Variants in CNBD1 observed in about 807,000 individuals in gnomAD.
CNBD1 encodes the protein cyclic nucleotide binding domain containing 1.
Under a neutral mutation model 54.4 loss-of-function variants are expected in CNBD1, and 71 were observed. The observed-to-expected ratio is 1.30, with a 90% CI of 1.08 to 1.59. CNBD1 has a LOEUF of 1.59. Ranked by LOEUF, CNBD1 falls within the 40% of genes most tolerant of loss-of-function variation. The probability of loss-of-function intolerance (pLI) is 0.00; values close to 1 mark genes in which losing one functional copy is unlikely to be tolerated. For synonymous variants in CNBD1, 182 were observed against 170.7 expected, an observed-to-expected ratio of 1.07 and a Z score of -0.51; for missense variants, 659 against 518.0, an observed-to-expected ratio of 1.27 and a Z score of -2.64.
intron 5 of CNBD1, among the ~76,000 whole-genome samples, chr8:87,230,437 C>T (rs753143568): frequency 6.6e-6 from 1 of 152,148 alleles, no homozygotes; most frequent in African/African-American, 2.4e-5. Context: ...ACATACACAT[C>T]ACTACTTAAA....
intron 4 of CNBD1, among the ~76,000 whole-genome samples, chr8:87,040,548 C>T (rs1259029237): frequency 1.3e-5 from 2 of 151,284 alleles, no homozygotes; most frequent in African/African-American, 4.8e-5. Flanking sequence ...CTCAGCCTCC[C>T]ATGTAGCTGG....
rs183531426 is a variant in CNBD1 at position 87,403,421 on chromosome 8, G to A, written c.214-25125G>A. Reference sequence around the variant, plus strand: ...AAGAGTTACCTCCACTTATTACTTAGTTAACCTTGTTTCAATTACCCTAGT... The same window carrying A: ...AAGAGTTACCTCCACTTATTACTTAATTAACCTTGTTTCAATTACCCTAGT... On this transcript the variant is annotated intron_variant, in intron 2 of 7. Coordinates refer to the CNBD1 transcript ENST00000521593. 3.3e-5 allele frequency among the ~76,000 whole-genome samples: 5 copies of A among 152,058 alleles called. No homozygotes were observed. The East Asian group carries it at 7.8e-4, about 24-fold the overall frequency.
At chr8:86,921,276 C>G (rs1052279521) in intron 3 of CNBD1, among the ~76,000 whole-genome samples, 6 of 151,816 alleles carry the variant, frequency 4.0e-5, no homozygotes, top group African/African-American at 1.5e-4. Context: ...TGAAATTATT[C>G]TTGTTATGAC....
intron 4 of CNBD1, among the ~76,000 whole-genome samples, chr8:86,957,497 C>T (rs1452188464): frequency 2.0e-5 from 3 of 152,152 alleles, no homozygotes; most frequent in African/African-American, 4.8e-5. Context: ...ATTATTGCCT[C>T]AATTTCAGAT....
chr8:86,867,315 AAGGTAAT>A (rs1808379468), intron 1 of CNBD1, among the ~76,000 whole-genome samples: 2 of 152,196 alleles, frequency 1.3e-5, no homozygotes, highest in Admixed American at 1.3e-4. Context: ...CTGGATAACA[AAGGTAAT>A]ACTTGTGATC....
At chr8:87,248,396 T>A (rs1807849034) in intron 6 of CNBD1, among the ~76,000 whole-genome samples, 1 of 152,220 alleles carries the variant, frequency 6.6e-6, no homozygotes, top group Admixed American at 6.5e-5. Context: ...AAAGACTTCC[T>A]AGCTTTAGCA....
chr8:87,345,286 C>T (rs1286753121), intron 8 of CNBD1, among the ~76,000 whole-genome samples: 2 of 152,266 alleles, frequency 1.3e-5, no homozygotes, highest in African/African-American at 2.4e-5. Context: ...ATTAGTGAAT[C>T]ACACATATTT....
intron 3 of CNBD1, among the ~76,000 whole-genome samples, chr8:86,924,120 T>C (rs1809320095): frequency 6.6e-6 from 1 of 152,174 alleles, no homozygotes; most frequent in Non-Finnish European, 1.5e-5. Flanking sequence ...GCTTCTATTG[T>C]CCCAATTAGA....
intron 8 of CNBD1, among the ~76,000 whole-genome samples, chr8:87,346,038 T>A (rs1810169247): frequency 6.6e-6 from 1 of 151,704 alleles, no homozygotes; most frequent in Non-Finnish European, 1.5e-5. Context: ...AATTTTCTTT[T>A]TTTTTCTTTT....
intron 6 of CNBD1, among the ~76,000 whole-genome samples, chr8:87,275,236 A>G (rs1808451236): frequency 7.1e-6 from 1 of 141,422 alleles, no homozygotes; most frequent in African/African-American, 2.8e-5. Flanking sequence ...CTTTTGGCTT[A>G]GGATTCACTT....
chr8:87,330,639 T>C (rs1809804149), intron 8 of CNBD1, among the ~76,000 whole-genome samples: 1 of 152,148 alleles, frequency 6.6e-6, no homozygotes, highest in African/African-American at 2.4e-5. Context: ...TCCATTCTAT[T>C]CTGAGAGAAG....
intron 2 of CNBD1, among the ~76,000 whole-genome samples, chr8:87,391,682 T>G (rs1811313160): frequency 6.6e-6 from 1 of 152,036 alleles, no homozygotes; most frequent in African/African-American, 2.4e-5. Flanking sequence ...AAAAATTGAC[T>G]CTAAATGGGT....
chr8:87,019,605 C>T (rs543824111), intron 4 of CNBD1, among the ~76,000 whole-genome samples: 3 of 152,250 alleles, frequency 2.0e-5, no homozygotes, highest in East Asian at 1.9e-4. Flanking sequence ...TGGCTGGGTG[C>T]GGTGGCTCAC....
chr8:86,928,645 G>T (rs1212345021), intron 3 of CNBD1, among the ~76,000 whole-genome samples: 1 of 152,162 alleles, frequency 6.6e-6, no homozygotes, highest in Non-Finnish European at 1.5e-5. Flanking sequence ...AACAAGTATT[G>T]AAATCCCCTT....
chr8:87,225,120 T>C (rs1429381330), intron 5 of CNBD1, among the ~76,000 whole-genome samples: 3 of 150,720 alleles, frequency 2.0e-5, no homozygotes, highest in Non-Finnish European at 4.4e-5. Context: ...CTGAAGTTGC[T>C]TATCAGCTTA....
intron 8 of CNBD1, among the ~76,000 whole-genome samples, chr8:87,347,674 A>G (rs748890604): frequency 2.6e-5 from 4 of 152,174 alleles, no homozygotes; most frequent in Non-Finnish European, 5.9e-5. Flanking sequence ...AGGTAAATGT[A>G]TGGTTTAATT....
intron 1 of CNBD1, among the ~76,000 whole-genome samples, chr8:86,881,570 T>C (rs1808606856): frequency 6.6e-6 from 1 of 152,110 alleles, no homozygotes; most frequent in Non-Finnish European, 1.5e-5. Context: ...GACAGATAAA[T>C]ATCATTAAAA....
intron 6 of CNBD1, among the ~76,000 whole-genome samples, chr8:87,239,196 C>T (rs951326418): frequency 1.3e-5 from 2 of 152,120 alleles, no homozygotes; most frequent in Non-Finnish European, 2.9e-5. Context: ...TAACTTGCAG[C>T]AACTCTGTGG....
intron 4 of CNBD1, among the ~76,000 whole-genome samples, chr8:87,074,671 G>T (rs994423840): frequency 6.6e-6 from 1 of 152,088 alleles, no homozygotes; most frequent in African/African-American, 2.4e-5. Flanking sequence ...CCCTTGGCTG[G>T]GAGTCAGGGC....
Sources: allele counts gnomAD v4.1 joint callset (sites outside exome capture counted in the v4.1 genomes callset), GRCh38; gene constraint gnomAD v4.1.1; transcripts MANE v1.5; gene names NCBI Gene and HGNC (gene_info 2026-07-23, HGNC 2026-07-21).